Variants in DNAJB13 observed in about 807,000 individuals in gnomAD.
The protein encoded by DNAJB13 is DnaJ heat shock protein family (Hsp40) member B13, also known as dnaJ homolog subfamily B member 13.
In DNAJB13, 22 loss-of-function variants were observed where a neutral mutation model predicts 35.6. The ratio of observed to expected loss-of-function variants is 0.62; its 90% CI spans 0.44 to 0.88. The LOEUF (loss-of-function observed/expected upper bound fraction) is 0.88. Among genes scored for constraint, DNAJB13 ranks in the 40% least tolerant of loss-of-function variants. The pLI is 0.00. For synonymous variants in DNAJB13, 136 were observed against 144.2 expected, an observed-to-expected ratio of 0.94 and a Z score of 0.41; for missense variants, 370 against 384.3, an observed-to-expected ratio of 0.96 and a Z score of 0.31.
chr11:73,960,931 G>A (rs892168092), intron 3 of DNAJB13, among the ~76,000 whole-genome samples: 8 of 152,192 alleles, frequency 5.3e-5, no homozygotes, highest in African/African-American at 1.9e-4. Flanking sequence ...CATTGCAGAA[G>A]CAAATACTGT....
At position 73,951,137 on chromosome 11, in the gene DNAJB13, C is replaced by A. The variant is rs185837848; in HGVS notation, c.68C>A (p.Ala23Glu). ...RNSEDAQIKQAYRRLALKHHP... is the reference protein window; with the variant it reads ...RNSEDAQIKQEYRRLALKHHP... ...TCAGAGGATGCCCAGATCAAGCAGG[C>A]GTAAGTTGGGGTGGGAGCCAGGCCT... The change falls in exon 1 of 8, where the codon GCG (alanine) becomes GAG (glutamate). Residue 23 changes from alanine to glutamate, a missense_variant and splice_region_variant. Transcript: ENST00000339764. 6.2e-7 allele frequency: 1 copy of A among 1,614,050 alleles called. No individual in the cohort carries two copies. The highest frequency in any genetic ancestry group is 1.7e-5 in the Admixed American group (1 of 60,026).
intron 3 of DNAJB13, among the ~76,000 whole-genome samples, chr11:73,960,775 A>C (rs699138): frequency 0.47 from 71,886 of 151,966 alleles, 19,617 homozygotes; most frequent in African/African-American, 0.76. Flanking sequence ...ATTTTACACA[A>C]TGATTTTTTT....
Position 73,966,136 on chromosome 11 carries a change from A to T in DNAJB13, c.493-2A>T. 4 of 1,611,632 alleles carry T rather than the reference A, an allele frequency of 2.5e-6. No homozygotes were observed. Among genetic ancestry groups the T allele is most frequent in the Non-Finnish European group, 3.4e-6 (4 of 1,179,092 alleles). ...CTCCCCACACCTGATATGTTGCTAT[A>T]GGTGCTGAACGAGGATGGGTACTCC... is the stretch of plus-strand genomic sequence containing the variant. On this transcript the variant is annotated splice_acceptor_variant, in intron 4 of 7. Coordinates refer to ENST00000339764, the MANE Select transcript of DNAJB13 (RefSeq NM_153614.4). LOFTEE classifies it high-confidence loss of function.
chr11:73,959,761 T>C, intron 3 of DNAJB13, 106 bp downstream of exon 3: 1 of 1,148,042 alleles, frequency 8.7e-7, no homozygotes, highest in Non-Finnish European at 1.1e-6. Flanking sequence ...TTATTTTATT[T>C]TATTTACTTA....
chr11:73,954,039 T>TATTAATAAA (rs1464118516), intron 1 of DNAJB13, among the ~76,000 whole-genome samples: 6 of 145,278 alleles, frequency 4.1e-5, no homozygotes, highest in East Asian at 4.0e-4. Flanking sequence ...ATAATAATAA[T>TATTAATAAA]AATGGCTGGA....
intron 5 of DNAJB13, 70 bp from the exon 6 acceptor site, chr11:73,968,275 T>C (rs113199156): frequency 3.1e-6 from 4 of 1,308,712 alleles, no homozygotes; most frequent in South Asian, 1.2e-5. Flanking sequence ...TGGAGACAAG[T>C]AGAGGCAGGA....
At chr11:73,960,058 G>A (rs923614360) in intron 3 of DNAJB13, among the ~76,000 whole-genome samples, 7 of 152,016 alleles carry the variant, frequency 4.6e-5, no homozygotes, top group African/African-American at 9.7e-5. Context: ...ATGAGCCACC[G>A]TGCCCGGCCT....
intron 3 of DNAJB13, among the ~76,000 whole-genome samples, chr11:73,962,431 G>A (rs1010074364): frequency 1.1e-4 from 16 of 145,480 alleles, no homozygotes; most frequent in African/African-American, 3.4e-4. Context: ...GTAGGCGGAC[G>A]GATGGCTGGG....
At chr11:73,968,255 G>A in intron 5 of DNAJB13, 90 bp from the exon 6 acceptor site, 1 of 1,145,500 alleles carries the variant, frequency 8.7e-7, no homozygotes, top group Non-Finnish European at 1.3e-6. Flanking sequence ...CCATTGTACA[G>A]ATGAAGACAT....
chr11:73,951,289 T>A, intron 1 of DNAJB13, 152 bp downstream of exon 1: 1 of 990,526 alleles, frequency 1.0e-6, no homozygotes, highest in South Asian at 1.6e-5. Flanking sequence ...CTGGCTTTGG[T>A]CTGGGTCAGG....
intron 1 of DNAJB13, among the ~76,000 whole-genome samples, chr11:73,951,472 T>A (rs964661855): frequency 6.6e-6 from 1 of 152,162 alleles, no homozygotes; most frequent in Non-Finnish European, 1.5e-5. Flanking sequence ...CAGAGGCTTG[T>A]GAACAAGGGA....
rs755368458 is a variant in DNAJB13 at position 73,964,804 on chromosome 11, T to TGCGC, written c.335-73_335-72insCGCG. On this transcript the variant is annotated intron_variant, in intron 3 of 7. Transcript: ENST00000339764. ...GTGTGTGTGTGTGTGTGTGTGTGTG[T>TGCGC]GTGTGTGTGCGCGCGCGCGCATGTC... 1.7e-4 allele frequency: 125 copies of TGCGC among 741,248 alleles called. 3 individuals are homozygous for TGCGC. Among genetic ancestry groups the TGCGC allele is most frequent in the African/African-American group, 8.8e-4 (37 of 42,272 alleles). 45.9% of individuals were successfully genotyped at this position (741,248 alleles called of 1,614,324 possible).
chr11:73,953,989 A>T (rs1357090291), intron 1 of DNAJB13, among the ~76,000 whole-genome samples: 1 of 125,700 alleles, frequency 8.0e-6, no homozygotes, highest in East Asian at 2.2e-4. Flanking sequence ...TCTGTCTCAA[A>T]AATAATAATA....
chr11:73,958,000 G>T (rs612914), intron 1 of DNAJB13, among the ~76,000 whole-genome samples: 5 of 151,980 alleles, frequency 3.3e-5, no homozygotes, highest in Non-Finnish European at 5.9e-5. Flanking sequence ...AAGCTTGCCC[G>T]TTGGAGGAGT....
At chr11:73,964,713 G>A in intron 3 of DNAJB13, 165 bp from the exon 4 acceptor site, 1 of 726,056 alleles carries the variant, frequency 1.4e-6, no homozygotes, top group East Asian at 2.8e-5. Context: ...ATAGGATGCT[G>A]GGTGTTACAC....
intron 1 of DNAJB13, among the ~76,000 whole-genome samples, chr11:73,955,247 G>A (rs1950707390): frequency 2.0e-5 from 3 of 151,812 alleles, no homozygotes; most frequent in Admixed American, 6.6e-5. Flanking sequence ...GTTATTGCAG[G>A]GATAATTTTG....
chr11:73,954,307 C>CA, intron 1 of DNAJB13, among the ~76,000 whole-genome samples: 1 of 150,230 alleles, frequency 6.7e-6, no homozygotes, highest in East Asian at 2.0e-4. Context: ...GCCTGGGTGA[C>CA]AGAGTGAGAC....
At position 73,951,125 on chromosome 11, in the gene DNAJB13, A is replaced by C. The variant is rs772024332; in HGVS notation, c.56A>C (p.Gln19Pro). The C allele has an allele frequency of 3.0e-5, 49 of 1,614,006 alleles. No homozygotes were observed. In the East Asian group the frequency reaches 1.1e-3, roughly 36 times the overall value. ...LGITRNSEDA[Q>P]IKQAYRRLAL... ...ATCACTCGCAATTCAGAGGATGCCC[A>C]GATCAAGCAGGCGTAAGTTGGGGTG... The change falls in exon 1 of 8, where the codon CAG becomes CCG. Residue 19 changes from glutamine to proline, a missense_variant. Transcript: ENST00000339764.
rs540496324 is a variant in DNAJB13 at position 73,957,066 on chromosome 11, A to C, written c.69-1251A>C. 4.1e-3 allele frequency among the ~76,000 whole-genome samples: 619 copies of C among 152,264 alleles called. 4 individuals carry two copies. The highest frequency in any genetic ancestry group is 6.4e-3 in the Non-Finnish European group (438 of 67,996). On this transcript the variant is annotated intron_variant, in intron 1 of 7. Transcript: ENST00000339764. ...TGGGGGGTCACGCCTGGGCTGAATG[A>C]CAGGCGTCTGTGCTGGATGCTTCCC...
Sources: gnomAD v4.1 joint callset for allele counts (sites outside exome capture counted in the v4.1 genomes callset) on GRCh38, gnomAD v4.1.1 for gene constraint, MANE v1.5 for transcripts, NCBI Gene and HGNC (gene_info 2026-07-23, HGNC 2026-07-21) for gene names.